Variants in CDH4 observed in about 807,000 individuals in gnomAD.
CDH4 encodes the protein cadherin 4, also known as cadherin-4.
In CDH4, 33 loss-of-function variants were observed where a neutral mutation model predicts 86.0. The ratio of observed to expected loss-of-function variants is 0.38; its 90% CI spans 0.29 to 0.51. The LOEUF (loss-of-function observed/expected upper bound fraction) is 0.51. Ranked by LOEUF, CDH4 falls within the 20% of genes least tolerant of loss-of-function variation. The probability of loss-of-function intolerance (pLI) is 0.86; values close to 1 mark genes in which losing one functional copy is unlikely to be tolerated. For missense variants in CDH4, 1,114 were observed against 1,307.4 expected (o/e 0.85, Z 2.28); for synonymous variants, 555 against 549.4 (o/e 1.01, Z -0.14).
chr20:61,312,170 T>C (rs532695375), intron 2 of CDH4, among the ~76,000 whole-genome samples: 1 of 147,910 alleles, frequency 6.8e-6, no homozygotes, highest in East Asian at 2.0e-4. Context: ...TGTATGCGTG[T>C]GGGATGTTTG....
intron 2 of CDH4, among the ~76,000 whole-genome samples, chr20:61,279,844 T>C (rs1370605509): frequency 6.6e-6 from 1 of 152,014 alleles, no homozygotes; most frequent in Non-Finnish European, 1.5e-5. Flanking sequence ...CTGTTGTGAG[T>C]AACGGGGTGA....
intron 2 of CDH4, among the ~76,000 whole-genome samples, chr20:61,352,873 A>T (rs2084721449): frequency 6.6e-6 from 1 of 152,038 alleles, no homozygotes; most frequent in African/African-American, 2.4e-5. Context: ...CACCTGTGAG[A>T]CGCTGCGGAC....
intron 2 of CDH4, among the ~76,000 whole-genome samples, chr20:61,496,534 C>A (rs557767989): frequency 7.2e-5 from 11 of 152,340 alleles, no homozygotes; most frequent in Middle Eastern, 3.4e-3. Context: ...GTATACTTCA[C>A]ACCTAAACAC....
intron 2 of CDH4, among the ~76,000 whole-genome samples, chr20:61,308,672 T>C (rs1276126888): frequency 6.6e-6 from 1 of 152,250 alleles, no homozygotes; most frequent in African/African-American, 2.4e-5. Flanking sequence ...TGTTTCCTTG[T>C]CTGATGTGGT....
intron 3 of CDH4, among the ~76,000 whole-genome samples, chr20:61,755,820 C>G (rs1201930403): frequency 6.6e-6 from 1 of 152,178 alleles, no homozygotes; most frequent in Non-Finnish European, 1.5e-5. Context: ...ACGCACATTC[C>G]ACACAGTACA....
chr20:61,720,150 C>T (rs958992692), intron 2 of CDH4, among the ~76,000 whole-genome samples: 3 of 152,076 alleles, frequency 2.0e-5, no homozygotes, highest in African/African-American at 2.4e-5. Context: ...CTCCTGCCTT[C>T]GGGTGGAGGG....
chr20:61,657,883 G>A (rs183806835), intron 2 of CDH4, among the ~76,000 whole-genome samples: 75 of 152,228 alleles, frequency 4.9e-4, no homozygotes, highest in African/African-American at 1.7e-3. Context: ...GCTACGTCAC[G>A]GTGCCGGGCC....
intron 2 of CDH4, among the ~76,000 whole-genome samples, chr20:61,521,365 A>G (rs2145627283): frequency 6.6e-6 from 1 of 152,280 alleles, no homozygotes; most frequent in Non-Finnish European, 1.5e-5. Context: ...TGGGGAGTAT[A>G]TTTTAAGAGG....
chr20:61,460,057 A>ACCATGCAT (rs1444836369), intron 2 of CDH4, among the ~76,000 whole-genome samples: 2 of 152,174 alleles, frequency 1.3e-5, no homozygotes, highest in Non-Finnish European at 2.9e-5. Context: ...GGGGCCTGGG[A>ACCATGCAT]CCATGCATTG....
chr20:61,312,507 G>T (rs1028127581), intron 2 of CDH4, among the ~76,000 whole-genome samples: 11 of 152,218 alleles, frequency 7.2e-5, no homozygotes, highest in African/African-American at 2.2e-4. Context: ...GGGTGCACAG[G>T]TGGACCTTCC....
intron 2 of CDH4, among the ~76,000 whole-genome samples, chr20:61,546,900 GT>G (rs536307612): frequency 8.1e-4 from 123 of 152,280 alleles, no homozygotes; most frequent in African/African-American, 2.8e-3. Flanking sequence ...CAGGCAGGTA[GT>G]TTTGGAGGCA....
intron 11 of CDH4, 124 bp from the exon 12 acceptor site, chr20:61,928,066 G>A: frequency 1.3e-6 from 1 of 781,290 alleles, no homozygotes; most frequent in Admixed American, 1.8e-5. Context: ...TCCGGCTGGG[G>A]GTCTGCACAT....
At chr20:61,631,844 G>A (rs551179641) in intron 2 of CDH4, among the ~76,000 whole-genome samples, 63 of 152,314 alleles carry the variant, frequency 4.1e-4, no homozygotes, top group African/African-American at 1.4e-3. Flanking sequence ...TCCTCCGGCC[G>A]GTAGTAAGTG....
At chr20:61,502,184 T>A (rs1331850034) in intron 2 of CDH4, among the ~76,000 whole-genome samples, 1 of 152,166 alleles carries the variant, frequency 6.6e-6, no homozygotes, top group African/African-American at 2.4e-5. Flanking sequence ...AAATGATGAC[T>A]CTCTGCTCCA....
chr20:61,880,702 C>T (rs1254526425), intron 7 of CDH4, among the ~76,000 whole-genome samples: 2 of 152,190 alleles, frequency 1.3e-5, no homozygotes, highest in Non-Finnish European at 2.9e-5. Flanking sequence ...GGGTGAGGGT[C>T]GGATGCAGAG....
chr20:61,275,903 C>T (rs2084228965), intron 2 of CDH4, among the ~76,000 whole-genome samples: 1 of 152,074 alleles, frequency 6.6e-6, no homozygotes, highest in South Asian at 2.1e-4. Context: ...GAGACTGTAG[C>T]TTCTCTCTAG....
At chr20:61,431,166 G>A (rs2085244319) in intron 2 of CDH4, among the ~76,000 whole-genome samples, 1 of 152,314 alleles carries the variant, frequency 6.6e-6, no homozygotes, top group Non-Finnish European at 1.5e-5. Flanking sequence ...TAGAGGATCA[G>A]GTGGATTTTA....
intron 4 of CDH4, among the ~76,000 whole-genome samples, chr20:61,834,491 T>C (rs556615556): frequency 6.6e-6 from 1 of 152,294 alleles, no homozygotes; most frequent in African/African-American, 2.4e-5. Context: ...TGTGGCACAT[T>C]TACAGGGGCA....
intron 2 of CDH4, among the ~76,000 whole-genome samples, chr20:61,608,101 G>A (rs1240251187): frequency 6.6e-6 from 1 of 152,062 alleles, no homozygotes; most frequent in African/African-American, 2.4e-5. Context: ...CCAGACCCCA[G>A]GGTGTCTCCT....
Sources: allele counts gnomAD v4.1 joint callset (sites outside exome capture counted in the v4.1 genomes callset), GRCh38; gene constraint gnomAD v4.1.1; transcripts MANE v1.5; gene names NCBI Gene and HGNC (gene_info 2026-07-23, HGNC 2026-07-21).